The following RNF8 variants were observed in gnomAD, a reference collection of about 807,000 sequenced individuals.
RNF8 encodes ring finger protein 8, also known as E3 ubiquitin-protein ligase RNF8.
A neutral mutation model predicts 59.3 loss-of-function variants in RNF8; 8 were observed. That is an observed-to-expected ratio of 0.13 (90% CI 0.08 to 0.24). The LOEUF (loss-of-function observed/expected upper bound fraction) is 0.24, where lower values mean the gene tolerates loss of function less well. Among genes scored for constraint, RNF8 ranks in the 10% least tolerant of loss-of-function variants. The probability of loss-of-function intolerance (pLI) is 1.00; values close to 1 mark genes in which losing one functional copy is unlikely to be tolerated. For synonymous variants in RNF8, 162 were observed against 200.0 expected (o/e 0.81, Z 1.60); for missense variants, 406 against 572.6 (o/e 0.71, Z 2.97).
In RNF8 at chr6:37,360,413, G is replaced by A. The variant is rs745314278; in HGVS notation, c.112-33G>A. 2.5e-6 allele frequency: 4 copies of A among 1,608,280 alleles called. No individual in the cohort carries two copies. Among genetic ancestry groups the A allele is most frequent in the Non-Finnish European group, 3.4e-6 (4 of 1,178,860 alleles). On this transcript the variant is annotated intron_variant, in intron 1 of 7. Transcript: ENST00000373479. This position sits in a 1 kb window ranked among gnomAD's most constrained non-coding sequence, Gnocchi z 4.2. ...GACCTCCCTTTTCAGCACAATGACT[G>A]ATGGTATTTCTTGCATTGTTGTTGT...
chr6:37,362,362 G>T (rs1455893085), intron 2 of RNF8, among the ~76,000 whole-genome samples: 1 of 152,146 alleles, frequency 6.6e-6, no homozygotes, highest in Non-Finnish European at 1.5e-5. Context: ...TGTGCTCCGG[G>T]CTCACTCTCC....
At chr6:37,378,582 CAG>C (rs1035442370) in intron 6 of RNF8, among the ~76,000 whole-genome samples, 3 of 121,682 alleles carry the variant, frequency 2.5e-5, no homozygotes, top group African/African-American at 6.6e-5. Flanking sequence ...GCATGGGTGA[CAG>C]AGCGAGACTC....
chr6:37,374,632 A>G lies in RNF8; in HGVS notation c.1051A>G (p.Met351Val), dbSNP rs745782142. The G allele has an allele frequency of 5.7e-5, 92 of 1,613,878 alleles. No homozygotes were observed. The highest frequency in any genetic ancestry group is 5.2e-4 in the South Asian group (47 of 91,068). The change falls in exon 5 of 8, where the codon ATG (methionine) becomes GTG (valine). Residue 351 changes from methionine (M) to valine (V), a missense_variant. Met to Val is a conservative substitution (Grantham distance 21). Transcript: ENST00000373479. ...TATGTTTTTGCAGCATTGGGCTCTA[A>G]TGGAAGAGCTAAATCGCAGCAAGAA... Reference protein sequence around the residue: ...AQALQEHWALMEELNRSKKDF... With the variant: ...AQALQEHWALVEELNRSKKDF...
At chr6:37,387,224 C>G (rs968497492) in intron 7 of RNF8, among the ~76,000 whole-genome samples, 1 of 152,200 alleles carries the variant, frequency 6.6e-6, no homozygotes, top group African/African-American at 2.4e-5. Flanking sequence ...TAGACATGCT[C>G]CTTTTCCTGG....
intron 1 of RNF8, among the ~76,000 whole-genome samples, chr6:37,356,743 C>T (rs1769128864): frequency 6.6e-6 from 1 of 152,028 alleles, no homozygotes; most frequent in Non-Finnish European, 1.5e-5. Context: ...GGTTTGGGGG[C>T]TTTTTTGTGG....
At chr6:37,375,264 C>T (rs1000895239) in intron 5 of RNF8, among the ~76,000 whole-genome samples, 1 of 152,206 alleles carries the variant, frequency 6.6e-6, no homozygotes, top group African/African-American at 2.4e-5. Flanking sequence ...CAGGAGGCAA[C>T]TCTTCTCTGC....
chr6:37,380,670 C>G (rs934648213), intron 6 of RNF8, among the ~76,000 whole-genome samples: 1 of 105,182 alleles, frequency 9.5e-6, no homozygotes, highest in African/African-American at 3.2e-5. Context: ...GACTCCGTCT[C>G]AAAAAAAAAA....
Position 37,360,889 on chromosome 6 carries a change from C to T in RNF8, c.240+315C>T, listed in dbSNP as rs1769294055. ...GTTTGAGGTGAAGCTCCCAGAGACC[C>T]TGGGAATCTGCAGAATCTGCTGACG... On this transcript the variant is annotated intron_variant, in intron 2 of 7. Transcript: ENST00000373479. This position sits in a 1 kb window ranked among gnomAD's most constrained non-coding sequence, Gnocchi z 4.2. Among the ~76,000 whole-genome samples the T allele has an allele frequency of 6.6e-6, 1 of 152,074 alleles. No individual in the cohort carries two copies. Among genetic ancestry groups the T allele is most frequent in the Admixed American group, 6.6e-5 (1 of 15,266 alleles).
intron 1 of RNF8, among the ~76,000 whole-genome samples, chr6:37,357,292 A>G (rs1032808712): frequency 6.6e-6 from 1 of 152,202 alleles, no homozygotes; most frequent in Admixed American, 6.5e-5. Flanking sequence ...ACTACAGTAT[A>G]GGTGAAATAT....
rs1448399089 is a variant in RNF8 at position 37,374,642 on chromosome 6, T to G, written c.1061T>G (p.Leu354Arg). ...CAGCATTGGGCTCTAATGGAAGAGC[T>G]AAATCGCAGCAAGAAGGACTTTGAA... ...LQEHWALMEE[L>R]NRSKKDFEAI... Residue 354 changes from leucine (L) to arginine (R), a missense_variant, in exon 5 of 8, where the codon CTA (leucine) becomes CGA (arginine). Leu to Arg is a moderately radical substitution (Grantham distance 102). This residue lies in a region of RNF8 where 285 missense variants were observed against 342.0 expected (regional missense o/e 0.83). Coordinates refer to ENST00000373479, the MANE Select transcript of RNF8 (RefSeq NM_003958.4). 8.7e-6 allele frequency: 14 copies of G among 1,614,084 alleles called. No individual in the cohort carries two copies. Among genetic ancestry groups the G allele is most frequent in the Non-Finnish European group, 1.1e-5 (13 of 1,179,986 alleles).
At chr6:37,375,473 C>T (rs941682092) in intron 5 of RNF8, among the ~76,000 whole-genome samples, 2 of 152,350 alleles carry the variant, frequency 1.3e-5, no homozygotes, top group Admixed American at 6.5e-5. Context: ...CCACAGGCCA[C>T]CAATTTGCAA....
intron 6 of RNF8, among the ~76,000 whole-genome samples, chr6:37,378,435 T>C (rs995531430): frequency 2.0e-5 from 3 of 151,864 alleles, no homozygotes; most frequent in Admixed American, 6.6e-5. Context: ...ACCCCATCTT[T>C]ACTAAAAATA....
At position 37,393,011 on chromosome 6, in the gene RNF8, C is replaced by A; in HGVS notation, c.*2253C>A. On this transcript the variant is annotated 3_prime_UTR_variant, in exon 8 of 8. Coordinates refer to ENST00000373479, the MANE Select transcript of RNF8 (RefSeq NM_003958.4). ...TATGTACAGAGACTGACCTCACAGA[C>A]TGACCATTCCATCCCACAGCTGCTG... 5.7e-6 allele frequency: 1 copy of A among 176,182 alleles called. No homozygotes were observed. Among genetic ancestry groups the A allele is most frequent in the East Asian group, 1.4e-4 (1 of 7,096 alleles). The allele number at this position is 176,182 out of a possible 1,614,324, so 10.9% of individuals were successfully genotyped here. A position where few individuals can be genotyped will look rare whatever the true frequency, so the allele number is the denominator to read the frequency against.
chr6:37,355,526 C>T (rs1247295066), intron 1 of RNF8, among the ~76,000 whole-genome samples: 2 of 152,164 alleles, frequency 1.3e-5, no homozygotes, highest in East Asian at 3.9e-4. Flanking sequence ...GTATAAAGAA[C>T]ATCCATATGG....
intron 5 of RNF8, 46 bp from the exon 6 acceptor site, chr6:37,376,880 T>C (rs1770039721): frequency 7.2e-7 from 1 of 1,392,590 alleles, no homozygotes; most frequent in East Asian, 2.3e-5. Context: ...CCATTTTGCA[T>C]TTTTGTTGGT....
At chr6:37,387,946 T>G (rs548918247) in intron 7 of RNF8, among the ~76,000 whole-genome samples, 2 of 152,136 alleles carry the variant, frequency 1.3e-5, no homozygotes, top group African/African-American at 4.8e-5. Flanking sequence ...CCTGGAAAAG[T>G]TGGCAGGACT....
chr6:37,376,877 G>T (rs755218256), intron 5 of RNF8, 49 bp from the exon 6 acceptor site: 1 of 1,236,050 alleles, frequency 8.1e-7, no homozygotes, highest in East Asian at 2.3e-5. Context: ...GTCCCATTTT[G>T]CATTTTTGTT....
chr6:37,377,711 C>A (rs1272429158), intron 6 of RNF8, among the ~76,000 whole-genome samples: 1 of 152,176 alleles, frequency 6.6e-6, no homozygotes, highest in Non-Finnish European at 1.5e-5. Flanking sequence ...GCTATTCTTT[C>A]TTTACTCTGA....
intron 1 of RNF8, among the ~76,000 whole-genome samples, chr6:37,357,535 G>T (rs1769168075): frequency 6.6e-6 from 1 of 152,176 alleles, no homozygotes; most frequent in South Asian, 2.1e-4. Flanking sequence ...TACCTAAATA[G>T]AAATTTTACT....
Sources: allele counts gnomAD v4.1 joint callset (sites outside exome capture counted in the v4.1 genomes callset), GRCh38; gene constraint gnomAD v4.1.1; regional missense constraint gnomAD v4.1.1; non-coding constraint Gnocchi (gnomAD v3.1); transcripts MANE v1.5; gene names NCBI Gene and HGNC (gene_info 2026-07-23, HGNC 2026-07-21).